PAK3: variants seen among roughly 807,000 people sequenced by gnomAD.
The protein encoded by PAK3 is serine/threonine-protein kinase PAK 3.
A neutral mutation model predicts 41.0 loss-of-function variants in PAK3; 4 were observed. That is an observed-to-expected ratio of 0.10 (90% CI 0.05 to 0.22). The LOEUF is 0.22. Ranked by LOEUF, PAK3 falls within the 10% of genes least tolerant of loss-of-function variation. PAK3 has a pLI of 1.00. For missense variants in PAK3, 205 were observed against 409.9 expected, an observed-to-expected ratio of 0.50 and a Z score of 4.32; for synonymous variants, 146 against 139.6, an observed-to-expected ratio of 1.05 and a Z score of -0.32.
At chrX:111,021,353 A>G (rs934416414) in intron 1 of PAK3, among the ~76,000 whole-genome samples, 2 of 112,142 alleles carry the variant, frequency 1.8e-5, no homozygotes, top group Non-Finnish European at 3.8e-5. Flanking sequence ...AAGACAGATT[A>G]CATCACAGGA....
intron 1 of PAK3, among the ~76,000 whole-genome samples, chrX:110,990,183 G>A (rs781452010): frequency 9.0e-6 from 1 of 111,273 alleles, no homozygotes; most frequent in Non-Finnish European, 1.9e-5. Flanking sequence ...TAGCCTCTCC[G>A]GCACTCAATT....
At chrX:111,000,462 G>C (rs759382946) in intron 1 of PAK3, among the ~76,000 whole-genome samples, 2 of 112,282 alleles carry the variant, frequency 1.8e-5, no homozygotes, top group South Asian at 7.5e-4. Context: ...AAATTGTCAT[G>C]AGAGACAAAG....
chrX:111,200,477 G>A (rs1316405778), intron 16 of PAK3, among the ~76,000 whole-genome samples: 4 of 112,136 alleles, frequency 3.6e-5, no homozygotes, highest in Non-Finnish European at 7.5e-5. Flanking sequence ...GAAATGAGAT[G>A]TGCACATTGA....
chrX:111,196,835 T>C (rs1420100754), intron 16 of PAK3, among the ~76,000 whole-genome samples, 195 bp downstream of exon 16: 1 of 99,485 alleles, frequency 1.0e-5, no homozygotes, highest in Non-Finnish European at 1.9e-5. Context: ...GTTTTCCTTG[T>C]CTTTTTCTTT....
At chrX:110,970,867 C>T (rs981896662) in intron 1 of PAK3, among the ~76,000 whole-genome samples, 1 of 111,915 alleles carries the variant, frequency 8.9e-6, no homozygotes, top group African/African-American at 3.2e-5. Context: ...ACATATTATT[C>T]TGTGTAGATG....
At chrX:111,174,017 G>A (rs2094377718) in intron 11 of PAK3, among the ~76,000 whole-genome samples, 1 of 111,513 alleles carries the variant, frequency 9.0e-6, no homozygotes, top group South Asian at 3.8e-4. Context: ...GCTGAGGCAA[G>A]GGGCTGAAGA....
At position 110,983,529 on chromosome X, in the gene PAK3, C is replaced by CGTGTGT. The variant is rs113126993; in HGVS notation, c.-28+38915_-28+38920dup. Among the ~76,000 whole-genome samples the CGTGTGT allele has an allele frequency of 8.3e-3, 834 of 100,285 alleles. 8 individuals are homozygous for CGTGTGT. Among genetic ancestry groups the CGTGTGT allele is most frequent in the African/African-American group, 0.027 (746 of 27,552 alleles). The allele number at this position is 100,285 out of a possible 115,157, so 87.1% of individuals were successfully genotyped here. A position where few individuals can be genotyped will look rare whatever the true frequency, so the allele number is the denominator to read the frequency against. On this transcript the variant is annotated intron_variant, in intron 1 of 14. Transcript: ENST00000425146. ...TTGTGTGCATGTGTGTGTATGTCTGCGTGTGTGTGTGTGTGTGTGAAAGAG... is the reference window on the plus strand; with the variant it reads ...TTGTGTGCATGTGTGTGTATGTCTGCGTGTGTGTGTGTGTGTGTGTGTGTGAAAGAG...
chrX:110,998,618 G>A (rs912566908), intron 1 of PAK3, among the ~76,000 whole-genome samples: 6 of 111,301 alleles, frequency 5.4e-5, no homozygotes, highest in Non-Finnish European at 9.4e-5. Flanking sequence ...GTCAAAAGAG[G>A]GTTTATTAAC....
chrX:111,148,784 A>C (rs1257593679), intron 7 of PAK3, among the ~76,000 whole-genome samples: 6 of 111,001 alleles, frequency 5.4e-5, no homozygotes, highest in Non-Finnish European at 9.4e-5. Flanking sequence ...ATTATGGGAT[A>C]TACAATTCAA....
chrX:111,012,761 A>G (rs1439455660), intron 1 of PAK3, among the ~76,000 whole-genome samples: 2 of 112,163 alleles, frequency 1.8e-5, no homozygotes, highest in East Asian at 5.6e-4. Context: ...TTTGTTTTAC[A>G]AACTCTTAAG....
At position 111,015,754 on chromosome X, in the gene PAK3, G is replaced by A. The variant is rs554399905; in HGVS notation, c.-28+71126G>A. On this transcript the variant is annotated intron_variant, in intron 1 of 14. Coordinates refer to the PAK3 transcript ENST00000425146. ...TTAGTCATTTGTATATCTCTTTGGA[G>A]AAATGCCCATTCAAATCCTTCCACC... 1.1e-3 allele frequency among the ~76,000 whole-genome samples: 120 copies of A among 112,236 alleles called. No individual in the cohort carries two copies. The South Asian group carries it at 0.044, about 42-fold the overall frequency.
chrX:111,210,388 C>T (rs961733662), intron 16 of PAK3, among the ~76,000 whole-genome samples: 1 of 111,202 alleles, frequency 9.0e-6, no homozygotes, highest in East Asian at 2.8e-4. Flanking sequence ...TTTTCCCTCC[C>T]TTTGGTGATG....
intron 1 of PAK3, among the ~76,000 whole-genome samples, chrX:111,004,632 A>T (rs904560054): frequency 1.8e-5 from 2 of 112,452 alleles, no homozygotes; most frequent in African/African-American, 3.2e-5. Context: ...TGCAATTCAC[A>T]CATACTTGAT....
intron 10 of PAK3, chrX:111,169,531 C>T (rs757362780): frequency 4.5e-5 from 5 of 111,246 alleles, no homozygotes; most frequent in Admixed American, 3.8e-4. Context: ...ACAGTAGTAG[C>T]ACAGAAAAGT....
intron 1 of PAK3, among the ~76,000 whole-genome samples, chrX:110,988,500 T>C (rs1047763751): frequency 8.9e-6 from 1 of 112,203 alleles, no homozygotes; most frequent in African/African-American, 3.2e-5. Context: ...TGTGTATGTG[T>C]ATATATATAC....
intron 1 of PAK3, among the ~76,000 whole-genome samples, chrX:110,974,770 G>T (rs1292022488): frequency 8.9e-6 from 1 of 111,854 alleles, no homozygotes; most frequent in Non-Finnish European, 1.9e-5. Context: ...CCACGATCAA[G>T]TTGGCTTCAT....
chrX:111,077,585 C>T (rs763877738), intron 1 of PAK3, among the ~76,000 whole-genome samples: 10 of 111,656 alleles, frequency 9.0e-5, no homozygotes, highest in Admixed American at 1.9e-4. Flanking sequence ...ATAAATGGTG[C>T]GGGCATAACT....
At chrX:110,951,325 A>C (rs1374919687) in intron 1 of PAK3, among the ~76,000 whole-genome samples, 1 of 112,387 alleles carries the variant, frequency 8.9e-6, no homozygotes, top group Non-Finnish European at 1.9e-5. Context: ...AATGTTTATG[A>C]TTTTTGTAAA....
intron 5 of PAK3, among the ~76,000 whole-genome samples, chrX:111,129,213 GTCTT>G (rs1183207620): frequency 9.0e-6 from 1 of 111,690 alleles, no homozygotes; most frequent in Non-Finnish European, 1.9e-5. Context: ...ACAGTATGCA[GTCTT>G]TCTTTGGTGA....
Sources: allele counts gnomAD v4.1 joint callset (sites outside exome capture counted in the v4.1 genomes callset), GRCh38; gene constraint gnomAD v4.1.1; transcripts MANE v1.5; gene names NCBI Gene and HGNC (gene_info 2026-07-23, HGNC 2026-07-21).